The following ADAM33 variants were observed in gnomAD, a reference collection of about 807,000 sequenced individuals.
ADAM33 encodes ADAM metallopeptidase domain 33.
ADAM33 carries 103 observed loss-of-function variants against 106.2 expected under a neutral mutation model. The ratio of observed to expected loss-of-function variants is 0.97; its 90% CI spans 0.83 to 1.14. The LOEUF is 1.14. Ranked by LOEUF, ADAM33 falls within the 50% of genes most tolerant of loss-of-function variation. The probability of loss-of-function intolerance (pLI) is 0.00; values close to 1 mark genes in which losing one functional copy is unlikely to be tolerated. For missense variants in ADAM33, 1,120 were observed against 1,096.6 expected, an observed-to-expected ratio of 1.02 and a Z score of -0.30; for synonymous variants, 483 against 453.0, an observed-to-expected ratio of 1.07 and a Z score of -0.84.
At chr20:3,676,436 C>CT (rs1440814723) in intron 3 of ADAM33, among the ~76,000 whole-genome samples, 22 of 143,486 alleles carry the variant, frequency 1.5e-4, no homozygotes, top group African/African-American at 2.3e-4. Flanking sequence ...TTTTCTTTTT[C>CT]TTTTTTTTCT....
Position 3,674,483 on chromosome 20 carries a change from CATCCG to C in ADAM33, c.600+16_600+20del, listed in dbSNP as rs758541613. 5 of 1,611,026 alleles carry C rather than the reference CATCCG, an allele frequency of 3.1e-6. No homozygotes were observed. The African/African-American group carries it at 6.7e-5, about 22-fold the overall frequency. ...GCTATAGATACAGCATTCCCACTCC[CATCCG>C]ATCGATGCCCCTGACCCTGCTCTGG... On this transcript the variant is annotated intron_variant, in intron 6 of 21. Coordinates refer to ENST00000356518, the MANE Select transcript of ADAM33 (RefSeq NM_025220.5).
In ADAM33 at chr20:3,680,821, G is replaced by A. The variant is rs368082446; in HGVS notation, c.97+1087C>T. ...GCTGTCCACATGGCCTTGCGCGCACGTGCTGGCCACGGGCACCCTGACCCC... is the reference window on the plus strand; with the variant it reads ...GCTGTCCACATGGCCTTGCGCGCACATGCTGGCCACGGGCACCCTGACCCC... On this transcript the variant is annotated intron_variant, in intron 1 of 21. Coordinates refer to ENST00000356518, the MANE Select transcript of ADAM33 (RefSeq NM_025220.5). Among the ~76,000 whole-genome samples, 431 of 152,298 alleles carry A rather than the reference G, an allele frequency of 2.8e-3. 16 individuals are homozygous for A. In the South Asian group the frequency reaches 0.078, roughly 28 times the overall value.
Position 3,675,059 on chromosome 20 carries a change from C to A in ADAM33, c.301G>T (p.Gly101Trp), listed in dbSNP as rs901341769. 6 of 1,613,266 alleles carry A rather than the reference C, an allele frequency of 3.7e-6. No individual in the cohort carries two copies. The highest frequency in any genetic ancestry group is 4.2e-6 in the Non-Finnish European group (5 of 1,179,886). Residue 101 changes from glycine to tryptophan, a missense_variant, in exon 4 of 22, where the codon GGG becomes TGG. Gly to Trp is a radical substitution (Grantham distance 184). Coordinates refer to ENST00000356518, the MANE Select transcript of ADAM33 (RefSeq NM_025220.5). The surrounding 1 kb of genome is among the most constrained non-coding windows in gnomAD (Gnocchi z 4.1). ...GYIETHYGPD[G>W]QPVVLAPNHT... Reference sequence around the variant, plus strand: ...TTGGGGGCCAGCACCACTGGCTGCCCATCTGGGCCGTAGTGGGTTTCTATG... The same window carrying A: ...TTGGGGGCCAGCACCACTGGCTGCCAATCTGGGCCGTAGTGGGTTTCTATG...
In ADAM33 at chr20:3,669,057, G is replaced by A. The variant is rs920888833; in HGVS notation, c.2405-57C>T. The A allele has an allele frequency of 1.1e-5, 18 of 1,576,860 alleles. No individual in the cohort carries two copies. The African/African-American group carries it at 2.2e-4, about 19-fold the overall frequency. On this transcript the variant is annotated intron_variant, in intron 21 of 21. Coordinates refer to ENST00000356518, the MANE Select transcript of ADAM33 (RefSeq NM_025220.5). The stretch of plus-strand genomic sequence containing the variant: ...GGACTGGGGCCCCAGGCTGCAAGCT[G>A]TGTGGCAGAGAGCCCATCCTCACTC...
rs773372391 is a variant in ADAM33, at chr20:3,674,677, T to A, written c.427A>T (p.Ser143Cys). ...CSGMSGLITL[S>C]RNASYYLRPW... ...CGCAGATAATAGCTGGCATTCCTGCTGAGGGTGATCAGGCCACTAGGGTGC... is the reference window on the plus strand; with the variant it reads ...CGCAGATAATAGCTGGCATTCCTGCAGAGGGTGATCAGGCCACTAGGGTGC... Residue 143 changes from serine (S) to cysteine (C), a missense_variant, in exon 6 of 22, where the codon AGC (serine) becomes TGC (cysteine). Physicochemically the swap from Ser to Cys is moderately radical, Grantham distance 112. Coordinates refer to ENST00000356518, the MANE Select transcript of ADAM33 (RefSeq NM_025220.5). The A allele has an allele frequency of 2.5e-6, 4 of 1,610,150 alleles. No homozygotes were observed. The South Asian group carries it at 4.4e-5, about 18-fold the overall frequency.
intron 21 of ADAM33, 94 bp from the exon 22 acceptor site, chr20:3,669,094 G>A: frequency 6.9e-7 from 1 of 1,452,122 alleles, no homozygotes; most frequent in South Asian, 1.1e-5. Context: ...GTGAGGACCA[G>A]TGATCCAGGA....
intron 1 of ADAM33, among the ~76,000 whole-genome samples, chr20:3,680,132 G>T (rs2088355155): frequency 6.6e-6 from 1 of 152,106 alleles, no homozygotes; most frequent in African/African-American, 2.4e-5. Flanking sequence ...TCAAGGGGAG[G>T]GGACGCTTCT....
chr20:3,679,753 G>A (rs1325961431), intron 1 of ADAM33, among the ~76,000 whole-genome samples, 182 bp from the exon 2 acceptor site: 2 of 152,104 alleles, frequency 1.3e-5, no homozygotes, highest in Non-Finnish European at 2.9e-5. Context: ...GGCATCCTTG[G>A]ATCTGAGGAG....
chr20:3,676,821 C>T (rs1206905675), intron 3 of ADAM33, among the ~76,000 whole-genome samples: 3 of 152,182 alleles, frequency 2.0e-5, no homozygotes. Context: ...GCTCACTCAT[C>T]GCCAGCAGGG....
intron 1 of ADAM33, among the ~76,000 whole-genome samples, chr20:3,680,003 G>A (rs1198069335): frequency 6.6e-6 from 1 of 152,164 alleles, no homozygotes; most frequent in Non-Finnish European, 1.5e-5. Flanking sequence ...CCCATCATCT[G>A]AGAAAAACAA....
intron 19 of ADAM33, among the ~76,000 whole-genome samples, 160 bp downstream of exon 19, chr20:3,670,846 G>A (rs1488893259): frequency 1.4e-4 from 21 of 152,156 alleles, no homozygotes; most frequent in Non-Finnish European, 1.5e-4. Context: ...GGAGGCCACT[G>A]GAACCTCCTG....
intron 2 of ADAM33, among the ~76,000 whole-genome samples, chr20:3,679,052 C>T (rs1316463159): frequency 4.6e-5 from 7 of 151,310 alleles, no homozygotes; most frequent in African/African-American, 1.7e-4. Context: ...TTCAGGCCTT[C>T]GTGGCAGGGC....
rs756515561 is a variant in ADAM33, at chr20:3,671,361, G to A, written c.1984-16C>T. On this transcript the variant is annotated splice_polypyrimidine_tract_variant and intron_variant, in intron 17 of 21. Transcript: ENST00000356518. Reference sequence around the variant, plus strand: ...TATTGCAAACCTGCAGAGAAGAGAAGAGGAGGGTCACGTAGGATTAGGAAC... The same window carrying A: ...TATTGCAAACCTGCAGAGAAGAGAAAAGGAGGGTCACGTAGGATTAGGAAC... 1.2e-6 allele frequency: 2 copies of A among 1,612,710 alleles called. No homozygotes were observed. Among genetic ancestry groups the A allele is most frequent in the Non-Finnish European group, 1.7e-6 (2 of 1,178,972 alleles).
chr20:3,671,416 C>A lies in ADAM33; in HGVS notation c.1983+3G>T, dbSNP rs1270608935. Reference sequence around the variant, plus strand: ...AGGTCACCCCCACTCCTCGGGCTCTCACCCCGTGGCTGTGGCAGGCAGTCA... The same window carrying A: ...AGGTCACCCCCACTCCTCGGGCTCTAACCCCGTGGCTGTGGCAGGCAGTCA... On this transcript the variant is annotated splice_donor_region_variant and intron_variant, in intron 17 of 21. Coordinates refer to ENST00000356518, the MANE Select transcript of ADAM33 (RefSeq NM_025220.5). 1 of 1,612,426 alleles carries A rather than the reference C, an allele frequency of 6.2e-7. No homozygotes were observed. Among genetic ancestry groups the A allele is most frequent in the Middle Eastern group, 1.7e-4 (1 of 6,058 alleles).
intron 13 of ADAM33, 91 bp downstream of exon 13, chr20:3,672,446 C>CG: frequency 1.9e-6 from 3 of 1,579,444 alleles, no homozygotes; most frequent in Non-Finnish European, 2.6e-6. Flanking sequence ...CAGCACCCAA[C>CG]GGGGGAACCT....
Position 3,673,839 on chromosome 20 carries a change from C to T in ADAM33, c.811G>A (p.Val271Ile), listed in dbSNP as rs550367727. The T allele has an allele frequency of 2.6e-6, 4 of 1,564,078 alleles. No individual in the cohort carries two copies. The East Asian group carries it at 9.2e-5, about 36-fold the overall frequency. Residue 271 changes from valine to isoleucine, a missense_variant, in exon 9 of 22, where the codon GTC becomes ATC. Transcript: ENST00000356518. Reference sequence around the variant, plus strand: ...AGCGTGGCGTTGGCGTCCTGCGTGACGCGGCTGCGGTCCCGCTCGGTCCAC... The same window carrying T: ...AGCGTGGCGTTGGCGTCCTGCGTGATGCGGCTGCGGTCCCGCTCGGTCCAC... ...EVWTERDRSR[V>I]TQDANATLWA...
Position 3,674,210 on chromosome 20 carries a change from T to C in ADAM33, c.666+9A>G. On this transcript the variant is annotated intron_variant, in intron 7 of 21. Coordinates refer to ENST00000356518, the MANE Select transcript of ADAM33 (RefSeq NM_025220.5). ...CCTGACCCCGCCAACCCCTGGGGTC[T>C]CTCCTCACCAGGGTGTGGTCTGCCA... is the stretch of plus-strand genomic sequence containing the variant. The C allele has an allele frequency of 2.5e-6, 4 of 1,614,022 alleles. No homozygotes were observed. The highest frequency in any genetic ancestry group is 3.4e-6 in the Non-Finnish European group (4 of 1,180,012).
At position 3,674,507 on chromosome 20, in the gene ADAM33, G is replaced by A; in HGVS notation, c.597C>T (p.Ser199=). The change falls in exon 6 of 22, where the codon AGC becomes AGT. Residue 199 remains serine (S), a synonymous_variant. Transcript: ENST00000356518. ...CCATCCGATCGATGCCCCTGACCCT[G>A]CTCTGGGGACCACCAGGAAGGCTGG... The part of the protein sequence containing the change: ...GMTSLPGGPQ[S]RGRREARRTR... 1 of 1,613,140 alleles carries A rather than the reference G, an allele frequency of 6.2e-7. No homozygotes were observed. The highest frequency in any genetic ancestry group is 8.5e-7 in the Non-Finnish European group (1 of 1,179,866).
rs373400112 is a variant in ADAM33 at position 3,672,566 on chromosome 20, C to T, written c.1372G>A (p.Ala458Thr). The change falls in exon 13 of 22, where the codon GCC (alanine) becomes ACC (threonine). Residue 458 changes from alanine to threonine, a missense_variant. Coordinates refer to ENST00000356518, the MANE Select transcript of ADAM33 (RefSeq NM_025220.5). ...CAGCGCACGCAGCAGTCCCCGTGGGCGCACTGGGCCCCCGGGCGCAGCGAG... is the reference window on the plus strand; with the variant it reads ...CAGCGCACGCAGCAGTCCCCGTGGGTGCACTGGGCCCCCGGGCGCAGCGAG... Reference protein sequence around the residue: ...NCSLRPGAQCAHGDCCVRCLL... With the variant: ...NCSLRPGAQCTHGDCCVRCLL... The T allele has an allele frequency of 9.2e-5, 149 of 1,613,424 alleles. No individual in the cohort carries two copies. Among genetic ancestry groups the T allele is most frequent in the Non-Finnish European group, 1.2e-4 (138 of 1,179,902 alleles).
Sources: allele counts gnomAD v4.1 joint callset (sites outside exome capture counted in the v4.1 genomes callset), GRCh38; gene constraint gnomAD v4.1.1; non-coding constraint Gnocchi (gnomAD v3.1); transcripts MANE v1.5; gene names NCBI Gene and HGNC (gene_info 2026-07-23, HGNC 2026-07-21).